Variants in TMEM163 observed in about 807,000 individuals in gnomAD.
TMEM163 encodes transmembrane protein 163.
A neutral mutation model predicts 29.3 loss-of-function variants in TMEM163; 17 were observed. That is an observed-to-expected ratio of 0.58 (90% confidence interval 0.40 to 0.87). The LOEUF (loss-of-function observed/expected upper bound fraction) is 0.87, where lower values mean the gene tolerates loss of function less well. TMEM163 is among the 40% of genes least tolerant of loss of function. The pLI is 0.00. For missense variants in TMEM163, 303 were observed against 381.5 expected (o/e 0.79, Z 1.71); for synonymous variants, 157 against 160.6 (o/e 0.98, Z 0.17).
chr2:134,585,473 G>A (rs1681793218), intron 2 of TMEM163, among the ~76,000 whole-genome samples: 1 of 152,202 alleles, frequency 6.6e-6, no homozygotes, highest in Admixed American at 6.5e-5. Flanking sequence ...GCCGAGTGGG[G>A]TGGCTCACGC....
At chr2:134,478,450 C>T (rs1686968139) in intron 5 of TMEM163, among the ~76,000 whole-genome samples, 1 of 152,124 alleles carries the variant, frequency 6.6e-6, no homozygotes, top group African/African-American at 2.4e-5. Context: ...CAGATGGAAA[C>T]AAGGAAGTTA....
At chr2:134,667,597 G>A (rs1258349640) in intron 2 of TMEM163, among the ~76,000 whole-genome samples, 1 of 152,206 alleles carries the variant, frequency 6.6e-6, no homozygotes, top group Non-Finnish European at 1.5e-5. Flanking sequence ...TTTAAACCAT[G>A]ACTATCTGGG....
At chr2:134,712,420 T>A (rs1416353461) in intron 2 of TMEM163, among the ~76,000 whole-genome samples, 1 of 151,732 alleles carries the variant, frequency 6.6e-6, no homozygotes, top group Non-Finnish European at 1.5e-5. Context: ...GATCTTTCTG[T>A]TAGGTAATAA....
chr2:134,536,876 A>G (rs180869379), intron 4 of TMEM163, among the ~76,000 whole-genome samples: 16 of 152,322 alleles, frequency 1.1e-4, no homozygotes, highest in Non-Finnish European at 1.5e-5. Flanking sequence ...GGCACTTAGA[A>G]AATGTGCAAT....
At chr2:134,534,478 G>A (rs12623888) in intron 4 of TMEM163, among the ~76,000 whole-genome samples, 11,177 of 152,220 alleles carry the variant, frequency 0.073, 1,205 homozygotes, top group East Asian at 0.55. Flanking sequence ...TTGGCCAGGT[G>A]CAGTGGCTCA....
intron 2 of TMEM163, among the ~76,000 whole-genome samples, chr2:134,690,458 T>A (rs1463218234): frequency 2.0e-5 from 3 of 151,534 alleles, no homozygotes; most frequent in Non-Finnish European, 4.4e-5. Context: ...GCTAATTTTT[T>A]AATTTTTAGT....
chr2:134,526,983 T>C (rs1680311123), intron 4 of TMEM163, among the ~76,000 whole-genome samples: 1 of 152,214 alleles, frequency 6.6e-6, no homozygotes, highest in Non-Finnish European at 1.5e-5. Flanking sequence ...AAGTCTCCCA[T>C]TATTTAGTCT....
At chr2:134,645,161 G>A (rs1683306248) in intron 2 of TMEM163, among the ~76,000 whole-genome samples, 1 of 152,178 alleles carries the variant, frequency 6.6e-6, no homozygotes, top group East Asian at 1.9e-4. Flanking sequence ...TACATCGCTG[G>A]TAGGAATACA....
intron 2 of TMEM163, among the ~76,000 whole-genome samples, chr2:134,673,032 C>G (rs145795106): frequency 6.6e-6 from 1 of 152,280 alleles, no homozygotes; most frequent in African/African-American, 2.4e-5. Flanking sequence ...CCAAAGGCAT[C>G]CCATCACCCA....
rs188751923 is a variant in TMEM163 at position 134,621,732 on chromosome 2, T to C, written c.323-69641A>G. ...AGTGAAACCCCGTCTCTACTAAAAA[T>C]ACAAAAAAATTAGCCGGGCGTGGTG... On this transcript the variant is annotated intron_variant, in intron 2 of 7. Transcript: ENST00000281924. 9.9e-3 allele frequency among the ~76,000 whole-genome samples: 1,496 copies of C among 150,532 alleles called. 11 individuals are homozygous for C. Among genetic ancestry groups the C allele is most frequent in the Middle Eastern group, 0.024 (7 of 294 alleles).
intron 2 of TMEM163, among the ~76,000 whole-genome samples, chr2:134,697,470 T>C (rs1330949991): frequency 6.6e-6 from 1 of 151,290 alleles, no homozygotes; most frequent in African/African-American, 2.4e-5. Flanking sequence ...TCAATTTTTT[T>C]TTTTTTTTTT....
intron 2 of TMEM163, among the ~76,000 whole-genome samples, chr2:134,554,933 T>C (rs1176194167): frequency 1.3e-5 from 2 of 152,180 alleles, no homozygotes; most frequent in Non-Finnish European, 2.9e-5. Context: ...CATTTACTTA[T>C]AAATTGGCTC....
At chr2:134,676,551 G>A (rs1684119991) in intron 2 of TMEM163, among the ~76,000 whole-genome samples, 2 of 152,076 alleles carry the variant, frequency 1.3e-5, no homozygotes, top group South Asian at 4.2e-4. Flanking sequence ...CAATTCAATG[G>A]TTTTTAGTGT....
chr2:134,555,588 G>A (rs1434681237), intron 2 of TMEM163, among the ~76,000 whole-genome samples: 1 of 152,232 alleles, frequency 6.6e-6, no homozygotes, highest in Non-Finnish European at 1.5e-5. Flanking sequence ...CCGTGGGGCG[G>A]AGCTCTCCTA....
At chr2:134,606,289 G>C (rs1305674021) in intron 2 of TMEM163, among the ~76,000 whole-genome samples, 2 of 151,456 alleles carry the variant, frequency 1.3e-5, no homozygotes, top group South Asian at 2.1e-4. Context: ...GTTGCAGTGA[G>C]CTAAGACCGC....
chr2:134,473,403 C>G (rs1287472350), intron 5 of TMEM163, among the ~76,000 whole-genome samples: 5 of 151,828 alleles, frequency 3.3e-5, no homozygotes, highest in African/African-American at 1.2e-4. Flanking sequence ...GGTGTGGTGC[C>G]TCACACCTGT....
chr2:134,487,725 A>T (rs551832264), intron 5 of TMEM163, among the ~76,000 whole-genome samples: 22 of 152,198 alleles, frequency 1.4e-4, no homozygotes, highest in Non-Finnish European at 2.6e-4. Context: ...GTCCAGGGAC[A>T]GCTGTGCACC....
At chr2:134,612,077 G>A (rs1267357878) in intron 2 of TMEM163, among the ~76,000 whole-genome samples, 2 of 152,182 alleles carry the variant, frequency 1.3e-5, no homozygotes, top group Non-Finnish European at 2.9e-5. Context: ...ACCACCACAG[G>A]TGACAGACTG....
At chr2:134,667,710 C>T (rs1400611816) in intron 2 of TMEM163, among the ~76,000 whole-genome samples, 2 of 152,128 alleles carry the variant, frequency 1.3e-5, no homozygotes, top group Non-Finnish European at 2.9e-5. Context: ...ATGTTTTAAG[C>T]AAGGATAACA....
Sources: allele counts gnomAD v4.1 joint callset (sites outside exome capture counted in the v4.1 genomes callset), GRCh38; gene constraint gnomAD v4.1.1; transcripts MANE v1.5; gene names NCBI Gene and HGNC (gene_info 2026-07-23, HGNC 2026-07-21).